Variants in EXD1 observed in about 807,000 individuals in gnomAD.
The protein encoded by EXD1 is piRNA biogenesis protein EXD1.
A neutral mutation model predicts 49.1 loss-of-function variants in EXD1; 63 were observed. The ratio of observed to expected loss-of-function variants is 1.28; its 90% CI spans 1.05 to 1.58. The LOEUF (loss-of-function observed/expected upper bound fraction) is 1.58, where lower values mean the gene tolerates loss of function less well. EXD1 is among the 40% of genes most tolerant of loss of function. The pLI, the probability that EXD1 is intolerant of heterozygous loss-of-function variation, is 0.00. For missense variants in EXD1, 748 were observed against 666.0 expected, an observed-to-expected ratio of 1.12 and a Z score of -1.36; for synonymous variants, 234 against 239.2, an observed-to-expected ratio of 0.98 and a Z score of 0.20.
At chr15:41,211,392 T>C (rs1281256141) in intron 6 of EXD1, among the ~76,000 whole-genome samples, 4 of 152,110 alleles carry the variant, frequency 2.6e-5, no homozygotes, top group South Asian at 4.1e-4. Context: ...ATTACAAGAC[T>C]GAGCCACCAC....
At chr15:41,225,911 C>CA (rs1264093091) in intron 2 of EXD1, among the ~76,000 whole-genome samples, 3 of 109,228 alleles carry the variant, frequency 2.7e-5, no homozygotes, top group South Asian at 2.7e-4. Flanking sequence ...CAAAACAAAA[C>CA]AAAAAAAACC....
chr15:41,189,038 A>T (rs1274966570), intron 11 of EXD1, among the ~76,000 whole-genome samples: 1 of 151,616 alleles, frequency 6.6e-6, no homozygotes, highest in Non-Finnish European at 1.5e-5. Context: ...TCCTGACCTC[A>T]GGCCTATAGT....
chr15:41,230,720 G>A lies in EXD1; in HGVS notation c.-295C>T, dbSNP rs910384459. On this transcript the variant is annotated 5_prime_UTR_variant, in exon 1 of 12. Coordinates refer to ENST00000458580, the MANE Select transcript of EXD1 (RefSeq NM_001286441.2). ...CGCGACGCCGGGGACACACGCCGCA[G>A]AGGCGACGCCCGCCCGGCCCAACGT... 6.1e-6 allele frequency: 4 copies of A among 659,138 alleles called. No individual in the cohort carries two copies. The highest frequency in any genetic ancestry group is 4.0e-5 in the South Asian group (2 of 50,196). 40.8% of individuals were successfully genotyped at this position (659,138 alleles called of 1,614,324 possible).
chr15:41,196,155 T>A, intron 7 of EXD1, 118 bp from the exon 8 acceptor site: 1 of 763,756 alleles, frequency 1.3e-6, no homozygotes, highest in Non-Finnish European at 2.0e-6. Context: ...TTTATTTATT[T>A]ATTTATTTAG....
intron 7 of EXD1, 126 bp from the exon 8 acceptor site, chr15:41,196,163 T>G: frequency 2.7e-6 from 2 of 740,084 alleles, no homozygotes; most frequent in African/African-American, 1.8e-5. Flanking sequence ...TTTATTTATT[T>G]AGAGACAAAG....
intron 3 of EXD1, among the ~76,000 whole-genome samples, 187 bp from the exon 4 acceptor site, chr15:41,217,341 C>T (rs554497861): frequency 6.6e-6 from 1 of 152,230 alleles, no homozygotes; most frequent in South Asian, 2.1e-4. Context: ...GTACCAAAGA[C>T]TCTCAGTATT....
At chr15:41,190,247 G>A (rs919940159) in intron 10 of EXD1, 119 bp from the exon 11 acceptor site, 1 of 1,048,498 alleles carries the variant, frequency 9.5e-7, no homozygotes, top group Non-Finnish European at 1.4e-6. Flanking sequence ...GGCTGAGGCA[G>A]GCGGATCACA....
chr15:41,220,491 C>T (rs2047071786), intron 2 of EXD1, among the ~76,000 whole-genome samples: 1 of 152,166 alleles, frequency 6.6e-6, no homozygotes, highest in Admixed American at 6.6e-5. Context: ...ATCTCCTGAC[C>T]TTGTGATCCG....
chr15:41,207,195 T>G (rs936573045), intron 7 of EXD1, among the ~76,000 whole-genome samples: 3 of 149,970 alleles, frequency 2.0e-5, no homozygotes, highest in African/African-American at 7.4e-5. Context: ...GAGCTGAGAT[T>G]GTGCCATTGC....
chr15:41,216,997 A>G (rs1425635973), intron 4 of EXD1, 100 bp downstream of exon 4: 3 of 1,304,738 alleles, frequency 2.3e-6, no homozygotes, highest in African/African-American at 3.0e-5. Context: ...CTATTTCCTT[A>G]TGCCAAGGAA....
chr15:41,216,676 C>A lies in EXD1; in HGVS notation c.380G>T (p.Ser127Ile). 6.2e-7 allele frequency: 1 copy of A among 1,611,632 alleles called. No homozygotes were observed. Among genetic ancestry groups the A allele is most frequent in the Non-Finnish European group, 8.5e-7 (1 of 1,179,632 alleles). The change falls in exon 5 of 12, where the codon AGC (serine) becomes ATC (isoleucine). Residue 127 changes from serine (S) to isoleucine (I), a missense_variant. Transcript: ENST00000458580. ...ATSLLNDLKY[S>I]PSEEEEVTYT... ...AGAGCCCCTATATTCACCTGATGGG[C>A]TGTACTTGAGGTCATTCAGCAGAGA...
At chr15:41,213,678 T>G (rs1199189791) in intron 6 of EXD1, among the ~76,000 whole-genome samples, 1 of 152,132 alleles carries the variant, frequency 6.6e-6, no homozygotes. Context: ...TTTGTATTTT[T>G]AGTAGAGATG....
chr15:41,208,452 C>A (rs1429538114), intron 7 of EXD1, among the ~76,000 whole-genome samples: 1 of 149,504 alleles, frequency 6.7e-6, no homozygotes, highest in Admixed American at 6.7e-5. Context: ...AGGCTAACTA[C>A]AAACTTTTAA....
Position 41,216,713 on chromosome 15 carries a change from C to CT in EXD1, c.342dup (p.Ala115SerfsTer9). The CT allele has an allele frequency of 6.2e-7, 1 of 1,613,660 alleles. No homozygotes were observed. The highest frequency in any genetic ancestry group is 8.5e-7 in the Non-Finnish European group (1 of 1,180,024). On this transcript the variant is annotated frameshift_variant, in exon 5 of 12. Coordinates refer to ENST00000458580, the MANE Select transcript of EXD1 (RefSeq NM_001286441.2). LOFTEE classifies it high-confidence loss of function. ...TCATTCAGCAGAGAGGTAGCTGGTG[C>CT]TTCAGGGGCAGGAGAAGCAGGCTCA...
At position 41,190,129 on chromosome 15, in the gene EXD1, C is replaced by A. The variant is rs1355574833; in HGVS notation, c.865-1G>T. ...GGATGAACCATACTTCTGGATTTTC[C>A]TGGAGACAATAAAACAATTTCCTCT... On this transcript the variant is annotated splice_acceptor_variant, in intron 10 of 11. Transcript: ENST00000458580. LOFTEE classifies it high-confidence loss of function. 6.2e-7 allele frequency: 1 copy of A among 1,613,900 alleles called. No homozygotes were observed. Among genetic ancestry groups the A allele is most frequent in the African/African-American group, 1.3e-5 (1 of 74,896 alleles).
At chr15:41,191,610 A>G (rs752117599) in intron 9 of EXD1, 25 bp from the exon 10 acceptor site, 3 of 1,610,728 alleles carry the variant, frequency 1.9e-6, no homozygotes, top group Non-Finnish European at 2.5e-6. Context: ...AAAGACAAAC[A>G]GACCAGTTGA....
intron 5 of EXD1, among the ~76,000 whole-genome samples, chr15:41,216,244 T>C (rs1033792266): frequency 1.3e-5 from 2 of 151,758 alleles, no homozygotes; most frequent in African/African-American, 4.9e-5. Flanking sequence ...AGAATCTTGA[T>C]TCAGGGTTAC....
chr15:41,185,108 T>TAC (rs2046388089), intron 11 of EXD1, among the ~76,000 whole-genome samples: 1 of 152,210 alleles, frequency 6.6e-6, no homozygotes, highest in African/African-American at 2.4e-5. Context: ...TAGGGCTGTG[T>TAC]GTCTCTGTGT....
chr15:41,197,950 G>A (rs892632907), intron 7 of EXD1, among the ~76,000 whole-genome samples: 1 of 152,016 alleles, frequency 6.6e-6, no homozygotes, highest in Admixed American at 6.6e-5. Flanking sequence ...CTTGAACCCT[G>A]GAGGCAGAGG....
Sources: gnomAD v4.1 joint callset for allele counts (sites outside exome capture counted in the v4.1 genomes callset) on GRCh38, gnomAD v4.1.1 for gene constraint, MANE v1.5 for transcripts, NCBI Gene and HGNC (gene_info 2026-07-23, HGNC 2026-07-21) for gene names.